FOCAD: variants seen among roughly 807,000 people sequenced by gnomAD.
FOCAD encodes KIAA1797.
FOCAD carries 198 observed loss-of-function variants against 225.6 expected under a neutral mutation model. The observed-to-expected ratio is 0.88, with a 90% CI of 0.78 to 0.99. The LOEUF is 0.99. Ranked by LOEUF, FOCAD falls within the 50% of genes least tolerant of loss-of-function variation. The pLI, the probability that FOCAD is intolerant of heterozygous loss-of-function variation, is 0.00. For missense variants in FOCAD, 2,713 were observed against 2,123.6 expected (o/e 1.28, Z -5.46); for synonymous variants, 897 against 755.0 (o/e 1.19, Z -3.08).
intron 15 of FOCAD, among the ~76,000 whole-genome samples, chr9:20,823,989 G>A (rs1450109140): frequency 6.6e-6 from 1 of 152,078 alleles, no homozygotes; most frequent in Non-Finnish European, 1.5e-5. Context: ...ATTTACGCCG[G>A]ATCTTGGTAT....
chr9:20,793,134 T>C (rs1820709370), intron 11 of FOCAD, among the ~76,000 whole-genome samples: 1 of 152,168 alleles, frequency 6.6e-6, no homozygotes, highest in Admixed American at 6.6e-5. Flanking sequence ...GTACTTTTAA[T>C]AAATAGCTTG....
intron 5 of FOCAD, among the ~76,000 whole-genome samples, chr9:20,742,493 G>T (rs1193994772): frequency 6.6e-6 from 1 of 152,132 alleles, no homozygotes; most frequent in Non-Finnish European, 1.5e-5. Context: ...CCGCCGCATC[G>T]GCATACCTGT....
chr9:20,778,561 A>G (rs766058928), intron 8 of FOCAD, 120 bp from the exon 9 acceptor site: 2 of 582,366 alleles, frequency 3.4e-6, no homozygotes, highest in Non-Finnish European at 6.1e-6. Context: ...CTGTATAAAT[A>G]AATTTGTGTA....
intron 11 of FOCAD, among the ~76,000 whole-genome samples, chr9:20,790,702 T>A (rs749853264): frequency 6.6e-6 from 1 of 151,964 alleles, no homozygotes; most frequent in African/African-American, 2.4e-5. Context: ...ACCCAGGAGG[T>A]GGAGGTTGCA....
At chr9:20,813,865 C>G (rs1324786849) in intron 11 of FOCAD, among the ~76,000 whole-genome samples, 1 of 151,906 alleles carries the variant, frequency 6.6e-6, no homozygotes, top group Non-Finnish European at 1.5e-5. Context: ...TTCCATTTTC[C>G]CCTTTGGTTC....
chr9:20,827,495 T>C (rs886437506), intron 15 of FOCAD, among the ~76,000 whole-genome samples: 1 of 150,226 alleles, frequency 6.7e-6, no homozygotes, highest in Non-Finnish European at 1.5e-5. Flanking sequence ...AATTGTGGCG[T>C]GTGTGTGTGT....
At chr9:20,973,876 T>A (rs7867561) in intron 35 of FOCAD, among the ~76,000 whole-genome samples, 1 of 95,580 alleles carries the variant, frequency 1.0e-5, no homozygotes, top group East Asian at 3.9e-4. Context: ...GCTGTTTTCA[T>A]GTTTGCTGAC....
At chr9:20,756,525 G>A (rs4612463) in intron 5 of FOCAD, among the ~76,000 whole-genome samples, 100,159 of 152,082 alleles carry the variant, frequency 0.66, 33,285 homozygotes, top group South Asian at 0.71. Context: ...AAAATTGCTA[G>A]GGGACAAACT....
chr9:20,944,558 C>T (rs988492260), intron 28 of FOCAD, 69 bp from the exon 29 acceptor site: 16 of 1,539,946 alleles, frequency 1.0e-5, no homozygotes, highest in Admixed American at 5.3e-5. Context: ...TGTAAACACC[C>T]GTGGTAAGTG....
chr9:20,916,088 T>G (rs1432153010), intron 23 of FOCAD, among the ~76,000 whole-genome samples: 1 of 152,158 alleles, frequency 6.6e-6, no homozygotes, highest in Non-Finnish European at 1.5e-5. Context: ...TTTTATTATA[T>G]ATCAAATGCA....
intron 1 of FOCAD, among the ~76,000 whole-genome samples, chr9:20,700,315 A>G (rs1268154068): frequency 2.0e-5 from 3 of 152,282 alleles, no homozygotes; most frequent in South Asian, 4.2e-4. Flanking sequence ...TTAAAGTAAC[A>G]AAGACCCATT....
At chr9:20,820,512 G>A in intron 13 of FOCAD, 87 bp downstream of exon 13, 3 of 1,187,182 alleles carry the variant, frequency 2.5e-6, no homozygotes, top group Non-Finnish European at 3.7e-6. Flanking sequence ...CAATGCTTTG[G>A]TTTAGTGGTA....
At chr9:20,835,186 G>A (rs1392283680) in intron 15 of FOCAD, among the ~76,000 whole-genome samples, 2 of 151,974 alleles carry the variant, frequency 1.3e-5, no homozygotes, top group African/African-American at 4.8e-5. Context: ...TAAATCAAAA[G>A]TATAAAAGCT....
intron 29 of FOCAD, among the ~76,000 whole-genome samples, chr9:20,945,497 G>C (rs1272303006): frequency 1.3e-5 from 2 of 152,246 alleles, no homozygotes; most frequent in Non-Finnish European, 2.9e-5. Flanking sequence ...AATGGCTGCT[G>C]TGTTTCCCTG....
intron 2 of FOCAD, among the ~76,000 whole-genome samples, chr9:20,664,622 C>CTTTTCT: frequency 6.7e-6 from 1 of 149,750 alleles, no homozygotes; most frequent in South Asian, 2.1e-4. Flanking sequence ...CTTTTCTTTT[C>CTTTTCT]TTTTCTTTTC....
chr9:20,990,230 G>A lies in FOCAD; in HGVS notation c.5112G>A (p.Gln1704=). The A allele has an allele frequency of 6.2e-7, 1 of 1,614,202 alleles. No individual in the cohort carries two copies. The highest frequency in any genetic ancestry group is 8.5e-7 in the Non-Finnish European group (1 of 1,180,024). The part of the protein sequence containing the change: ...GLSASWLPWH[Q]ENGPAGPVPS... The stretch of plus-strand genomic sequence containing the variant: ...GTGCCAGTTGGTTGCCATGGCATCA[G>A]GAGAATGGCCCGGCTGGGCCAGTAC... The change falls in exon 42 of 44, where the codon CAG becomes CAA. Residue 1704 remains glutamine, a synonymous_variant. Transcript: ENST00000338382.
intron 19 of FOCAD, among the ~76,000 whole-genome samples, chr9:20,877,015 T>G (rs1009851005): frequency 1.3e-5 from 2 of 152,224 alleles, no homozygotes; most frequent in African/African-American, 4.8e-5. Flanking sequence ...AAAAACAGTT[T>G]AGAGAGTTCT....
intron 40 of FOCAD, among the ~76,000 whole-genome samples, chr9:20,987,741 C>A (rs1041347165): frequency 6.6e-6 from 1 of 152,128 alleles, no homozygotes; most frequent in African/African-American, 2.4e-5. Context: ...TGGTTCCAAC[C>A]AGAACCAGCC....
Position 20,744,908 on chromosome 9 carries a change from G to A in FOCAD, c.392+4568G>A, listed in dbSNP as rs149987204. Among the ~76,000 whole-genome samples, 235 of 152,284 alleles carry A rather than the reference G, an allele frequency of 1.5e-3. No individual in the cohort carries two copies. In the Middle Eastern group the frequency reaches 0.017, roughly 11 times the overall value. On this transcript the variant is annotated intron_variant, in intron 5 of 43. Coordinates refer to ENST00000338382, the MANE Select transcript of FOCAD (RefSeq NM_001375567.1). ...ACAAGATGCAATCAGTGGGCAACAAGTTTGTGACCTCTGATGCAGGTACTA... is the reference window on the plus strand; with the variant it reads ...ACAAGATGCAATCAGTGGGCAACAAATTTGTGACCTCTGATGCAGGTACTA...
Sources: allele counts gnomAD v4.1 joint callset (sites outside exome capture counted in the v4.1 genomes callset), GRCh38; gene constraint gnomAD v4.1.1; transcripts MANE v1.5; gene names NCBI Gene and HGNC (gene_info 2026-07-23, HGNC 2026-07-21).